The following UNC13C variants were observed in gnomAD, a reference collection of about 807,000 sequenced individuals.
UNC13C encodes protein unc-13 homolog C.
UNC13C carries 174 observed loss-of-function variants against 245.4 expected under a neutral mutation model. That is an observed-to-expected ratio of 0.71 (90% CI 0.63 to 0.80). The LOEUF (loss-of-function observed/expected upper bound fraction) is 0.80. Ranked by LOEUF, UNC13C falls within the 30% of genes least tolerant of loss-of-function variation. UNC13C has a pLI of 0.00. For missense variants in UNC13C, 2,829 were observed against 2,602.9 expected (o/e 1.09, Z -1.89); for synonymous variants, 992 against 895.1 (o/e 1.11, Z -1.93).
At chr15:53,878,595 G>A in the UNC13C span, among the ~76,000 whole-genome samples, 2 of 152,104 alleles carry the variant, frequency 1.3e-5, no homozygotes, top group African/African-American at 2.4e-5. Context: ...CATGTATCTA[G>A]CCATGCACTT....
chr15:54,183,938 G>A (rs8036265), intron 4 of UNC13C, among the ~76,000 whole-genome samples: 46,978 of 151,588 alleles, frequency 0.31, 7,932 homozygotes, highest in East Asian at 0.45. Context: ...TTAATAGCTC[G>A]CTTACTTGGG....
chr15:54,146,721 G>A (rs1211572698), intron 4 of UNC13C, among the ~76,000 whole-genome samples: 1 of 152,134 alleles, frequency 6.6e-6, no homozygotes, highest in Non-Finnish European at 1.5e-5. Context: ...TATCATCTAT[G>A]TAAGCAAAGA....
chr15:53,921,511 C>T, the UNC13C span, among the ~76,000 whole-genome samples: 2 of 152,166 alleles, frequency 1.3e-5, no homozygotes, highest in Non-Finnish European at 2.9e-5. Context: ...CTATATATTG[C>T]ATACGAAAGG....
intron 14 of UNC13C, among the ~76,000 whole-genome samples, chr15:54,330,157 G>A (rs1307993878): frequency 6.6e-6 from 1 of 151,932 alleles, no homozygotes; most frequent in East Asian, 1.9e-4. Context: ...AAACACAGAG[G>A]GCAAAAGTTG....
At chr15:53,872,627 C>G in the UNC13C span, among the ~76,000 whole-genome samples, 1 of 152,146 alleles carries the variant, frequency 6.6e-6, no homozygotes, top group Non-Finnish European at 1.5e-5. Context: ...CTCCATGCCT[C>G]TAGGCTCTGT....
At chr15:54,204,541 C>G (rs137954875) in intron 4 of UNC13C, among the ~76,000 whole-genome samples, 3 of 151,956 alleles carry the variant, frequency 2.0e-5, no homozygotes, top group Non-Finnish European at 4.4e-5. Context: ...ATCAAATTCT[C>G]TCTCAATTTG....
intron 10 of UNC13C, among the ~76,000 whole-genome samples, chr15:54,278,578 T>C (rs988101207): frequency 6.6e-5 from 10 of 152,166 alleles, no homozygotes; most frequent in Non-Finnish European, 1.0e-4. Context: ...GCCGTTCTTC[T>C]CTCCATCTCC....
chr15:54,577,852 T>C (rs1312328961), intron 30 of UNC13C, among the ~76,000 whole-genome samples: 3 of 152,314 alleles, frequency 2.0e-5, no homozygotes, highest in Admixed American at 6.5e-5. Context: ...GAAAAATCTT[T>C]AGAGTTTTGC....
intron 19 of UNC13C, chr15:54,417,002 A>G (rs2040536709): frequency 2.2e-6 from 1 of 456,342 alleles, no homozygotes; most frequent in South Asian, 1.5e-5. Context: ...ACCTCCTCAG[A>G]GAAGATTTCC....
intron 8 of UNC13C, 100 bp from the exon 9 acceptor site, chr15:54,264,068 C>T: frequency 8.6e-7 from 1 of 1,159,414 alleles, no homozygotes; most frequent in East Asian, 2.6e-5. Flanking sequence ...AGAATGAAAG[C>T]ACTCATTCAT....
intron 28 of UNC13C, among the ~76,000 whole-genome samples, chr15:54,552,817 A>G (rs542717204): frequency 4.3e-5 from 4 of 93,682 alleles, no homozygotes; most frequent in African/African-American, 1.7e-4. Flanking sequence ...ACAATATAAT[A>G]TAATATATAA....
chr15:54,309,367 T>C (rs1311531446), intron 13 of UNC13C, among the ~76,000 whole-genome samples: 2 of 151,942 alleles, frequency 1.3e-5, no homozygotes, highest in Non-Finnish European at 2.9e-5. Flanking sequence ...TTTCTTGCTG[T>C]TTAATTATTT....
intron 25 of UNC13C, among the ~76,000 whole-genome samples, chr15:54,530,862 C>A (rs1895706644): frequency 1.3e-5 from 2 of 152,092 alleles, no homozygotes; most frequent in South Asian, 4.1e-4. Context: ...TTATGCTGGG[C>A]TTTCAGTCTG....
chr15:54,115,929 A>G (rs557718292), intron 2 of UNC13C, among the ~76,000 whole-genome samples: 7 of 152,088 alleles, frequency 4.6e-5, no homozygotes, highest in Non-Finnish European at 8.8e-5. Context: ...AGGAGACAGT[A>G]ACAGTATCAA....
intron 19 of UNC13C, among the ~76,000 whole-genome samples, chr15:54,430,235 C>A (rs117200027): frequency 4.6e-5 from 7 of 151,734 alleles, no homozygotes; most frequent in African/African-American, 1.7e-4. Flanking sequence ...TTTTGTACCA[C>A]TTACGGTGAT....
At chr15:54,528,267 C>T (rs1445848748) in intron 25 of UNC13C, among the ~76,000 whole-genome samples, 2 of 151,590 alleles carry the variant, frequency 1.3e-5, no homozygotes, top group African/African-American at 4.8e-5. Context: ...AAAGGTGTGC[C>T]ACTAGGGTTT....
At chr15:54,189,475 A>G (rs1418970376) in intron 4 of UNC13C, among the ~76,000 whole-genome samples, 1 of 152,148 alleles carries the variant, frequency 6.6e-6, no homozygotes, top group Non-Finnish European at 1.5e-5. Flanking sequence ...TGAGCTCCAC[A>G]AGTAATAACT....
rs200749299 is a variant in UNC13C, at chr15:54,013,944, T to G, written c.1041T>G (p.Gly347=). ...ACCAAATTCTAATAGATAAAATGGG[T>G]TTTTCAGATGCACCAAATGCTATTA... ...VVYQILIDKM[G]FSDAPNAIKI... The change falls in exon 2 of 33, where the codon GGT becomes GGG. Residue 347 remains glycine, a synonymous_variant. Coordinates refer to ENST00000260323, the MANE Select transcript of UNC13C (RefSeq NM_001080534.3). The G allele has an allele frequency of 3.1e-6, 5 of 1,613,018 alleles. No homozygotes were observed. Among genetic ancestry groups the G allele is most frequent in the Non-Finnish European group, 4.2e-6 (5 of 1,179,636 alleles).
At chr15:54,543,567 AAG>A (rs1181197375) in intron 26 of UNC13C, among the ~76,000 whole-genome samples, 2 of 147,998 alleles carry the variant, frequency 1.4e-5, no homozygotes, top group Non-Finnish European at 2.9e-5. Flanking sequence ...TAAAGAAAAA[AAG>A]AGAGAAGAAT....
Sources: gnomAD v4.1 joint callset for allele counts (sites outside exome capture counted in the v4.1 genomes callset) on GRCh38, gnomAD v4.1.1 for gene constraint, MANE v1.5 for transcripts, NCBI Gene and HGNC (gene_info 2026-07-23, HGNC 2026-07-21) for gene names.